TP63: variants seen among roughly 807,000 people sequenced by gnomAD.
TP63 encodes tumor protein p63.
A neutral mutation model predicts 82.8 loss-of-function variants in TP63; 17 were observed. That is an observed-to-expected ratio of 0.21 (90% CI 0.14 to 0.31). TP63 has a LOEUF of 0.31. Among genes scored for constraint, TP63 ranks in the 10% least tolerant of loss-of-function variants. The pLI is 1.00. For missense variants in TP63, 648 were observed against 895.3 expected (o/e 0.72, Z 3.52); for synonymous variants, 330 against 321.7 (o/e 1.03, Z -0.28).
chr3:189,822,883 C>G (rs1293189906), intron 4 of TP63, among the ~76,000 whole-genome samples: 1 of 152,118 alleles, frequency 6.6e-6, no homozygotes, highest in East Asian at 1.9e-4. Context: ...CAGATTGCAG[C>G]AGAAAATGAA....
intron 4 of TP63, among the ~76,000 whole-genome samples, chr3:189,829,611 T>A (rs573481717): frequency 3.9e-5 from 6 of 152,232 alleles, no homozygotes; most frequent in Non-Finnish European, 8.8e-5. Flanking sequence ...AGAGACTAGA[T>A]TTGGAGGAGC....
chr3:189,875,368 C>T (rs865964337), intron 10 of TP63, among the ~76,000 whole-genome samples: 6 of 151,354 alleles, frequency 4.0e-5, no homozygotes, highest in African/African-American at 9.7e-5. Flanking sequence ...GAGCTCGAGA[C>T]GAGCCTGGTC....
intron 1 of TP63, among the ~76,000 whole-genome samples, chr3:189,670,984 T>C (rs986484817): frequency 6.6e-6 from 1 of 152,066 alleles, no homozygotes; most frequent in Non-Finnish European, 1.5e-5. Flanking sequence ...AAAGATTTCA[T>C]AGGTGAGACT....
chr3:189,630,396 T>A (rs1030901453), upstream of TP63, among the ~76,000 whole-genome samples: 2 of 152,012 alleles, frequency 1.3e-5, no homozygotes, highest in African/African-American at 4.8e-5. Flanking sequence ...ACAGCCCATA[T>A]TCAGAAAGGA....
intron 1 of TP63, among the ~76,000 whole-genome samples, chr3:189,640,141 C>A (rs1711695948): frequency 1.3e-5 from 2 of 152,046 alleles, no homozygotes; most frequent in Non-Finnish European, 2.9e-5. Flanking sequence ...TTAAAGCTTT[C>A]AATGAGGAAA....
In TP63 at chr3:189,862,298, C is replaced by T. The variant is rs146522635; in HGVS notation, c.580-1934C>T. 3.9e-5 allele frequency among the ~76,000 whole-genome samples: 6 copies of T among 152,120 alleles called. No homozygotes were observed. The East Asian group carries it at 9.6e-4, about 24-fold the overall frequency. Reference sequence around the variant, plus strand: ...ATTTCTTAAGGCAGAACTCAGTAAACGATGAAGCTATTATTATTTATCATT... The same window carrying T: ...ATTTCTTAAGGCAGAACTCAGTAAATGATGAAGCTATTATTATTTATCATT... On this transcript the variant is annotated intron_variant, in intron 4 of 13. Transcript: ENST00000264731.
At chr3:189,841,047 G>A (rs1408138515) in intron 4 of TP63, among the ~76,000 whole-genome samples, 1 of 151,724 alleles carries the variant, frequency 6.6e-6, no homozygotes, top group Non-Finnish European at 1.5e-5. Context: ...GTAAATAGAG[G>A]GTGGATACTT....
At chr3:189,839,745 G>T (rs1032541673) in intron 4 of TP63, among the ~76,000 whole-genome samples, 1 of 152,182 alleles carries the variant, frequency 6.6e-6, no homozygotes, top group African/African-American at 2.4e-5. Flanking sequence ...ACCAAGCACT[G>T]TACCCTGAAT....
intron 4 of TP63, among the ~76,000 whole-genome samples, chr3:189,852,578 A>T (rs751849356): frequency 1.3e-5 from 2 of 152,142 alleles, no homozygotes; most frequent in Non-Finnish European, 2.9e-5. Context: ...TTCCCTTTTC[A>T]TTCATTTCTA....
At chr3:189,840,354 TTCG>T (rs1377469277) in intron 4 of TP63, among the ~76,000 whole-genome samples, 16,274 of 121,648 alleles carry the variant, frequency 0.13, 2,773 homozygotes, top group Non-Finnish European at 0.17. Context: ...TTTTTTGCTT[TTCG>T]TCTTTTTTTT....
At chr3:189,850,301 C>A (rs1009177758) in intron 4 of TP63, among the ~76,000 whole-genome samples, 1 of 151,742 alleles carries the variant, frequency 6.6e-6, no homozygotes, top group Non-Finnish European at 1.5e-5. Flanking sequence ...CTTCCCCCAC[C>A]GCCACCACCA....
intron 4 of TP63, among the ~76,000 whole-genome samples, chr3:189,829,445 A>G (rs1711958389): frequency 6.6e-6 from 1 of 152,174 alleles, no homozygotes; most frequent in East Asian, 1.9e-4. Flanking sequence ...CTATATGTCT[A>G]CTGGATTATT....
At chr3:189,889,524 C>T in intron 12 of TP63, 40 bp downstream of exon 12, 1 of 1,613,982 alleles carries the variant, frequency 6.2e-7, no homozygotes, top group Non-Finnish European at 8.5e-7. Context: ...CTGCCCTAAG[C>T]ATCCCGGGAT....
At chr3:189,701,976 TA>T (rs1717848654) in intron 1 of TP63, among the ~76,000 whole-genome samples, 1 of 152,234 alleles carries the variant, frequency 6.6e-6, no homozygotes, top group African/African-American at 2.4e-5. Flanking sequence ...AATAAATGTG[TA>T]ACTTGTCTGC....
chr3:189,744,501 C>T (rs1027079818), intron 3 of TP63, among the ~76,000 whole-genome samples: 18 of 152,164 alleles, frequency 1.2e-4, no homozygotes, highest in African/African-American at 4.3e-4. Context: ...TGAAAATTGC[C>T]CATTTCAGTG....
At chr3:189,728,502 G>A (rs1719929635) in intron 1 of TP63, among the ~76,000 whole-genome samples, 1 of 152,190 alleles carries the variant, frequency 6.6e-6, no homozygotes, top group Admixed American at 6.5e-5. Flanking sequence ...TGACTTGGGG[G>A]AAGATGGTGG....
rs576097467 is a variant in TP63 at position 189,750,399 on chromosome 3, T to C, written c.324+11625T>C. Among the ~76,000 whole-genome samples the C allele has an allele frequency of 9.9e-5, 15 of 152,268 alleles. No homozygotes were observed. The South Asian group carries it at 2.5e-3, about 25-fold the overall frequency. ...TATAGAAAACGTATAAGTTCTAATG[T>C]TGAATAGCAGAATAGGGTGGCTATA... On this transcript the variant is annotated intron_variant, in intron 3 of 13. Transcript: ENST00000264731.
intron 1 of TP63, among the ~76,000 whole-genome samples, chr3:189,714,490 A>G (rs372826209): frequency 3.9e-5 from 6 of 152,166 alleles, no homozygotes; most frequent in African/African-American, 1.4e-4. Context: ...GTTAAAGTGT[A>G]TGTTCGTACA....
chr3:189,616,011 A>G, the TP63 span, among the ~76,000 whole-genome samples: 1 of 152,208 alleles, frequency 6.6e-6, no homozygotes, highest in African/African-American at 2.4e-5. Context: ...CCTAGAACTC[A>G]CAGTTAGATT....
Sources: allele counts gnomAD v4.1 joint callset (sites outside exome capture counted in the v4.1 genomes callset), GRCh38; gene constraint gnomAD v4.1.1; transcripts MANE v1.5; gene names NCBI Gene and HGNC (gene_info 2026-07-23, HGNC 2026-07-21).